The following DCC variants were observed in gnomAD, a reference collection of about 807,000 sequenced individuals.
The protein encoded by DCC is DCC netrin 1 receptor.
Under a neutral mutation model 172.5 loss-of-function variants are expected in DCC, and 58 were observed. That is an observed-to-expected ratio of 0.34 (90% CI 0.27 to 0.42). The LOEUF is 0.42. DCC is among the 10% of genes least tolerant of loss of function. The pLI is 1.00. For missense variants in DCC, 1,740 were observed against 1,791.0 expected, an observed-to-expected ratio of 0.97 and a Z score of 0.51; for synonymous variants, 709 against 644.5, an observed-to-expected ratio of 1.10 and a Z score of -1.52.
chr18:53,432,740 C>CATTATT (rs3059177), intron 21 of DCC, among the ~76,000 whole-genome samples: 360 of 150,660 alleles, frequency 2.4e-3, no homozygotes, highest in South Asian at 0.011. Flanking sequence ...AATCTTTTAT[C>CATTATT]ATTATTATTA....
chr18:52,958,230 T>C (rs2040779754), intron 5 of DCC, among the ~76,000 whole-genome samples: 1 of 152,148 alleles, frequency 6.6e-6, no homozygotes, highest in Non-Finnish European at 1.5e-5. Context: ...TTTTATAGCA[T>C]CTTTTAGTTT....
At chr18:53,521,340 A>G (rs1396009573) in intron 27 of DCC, among the ~76,000 whole-genome samples, 2 of 152,274 alleles carry the variant, frequency 1.3e-5, no homozygotes, top group East Asian at 3.9e-4. Flanking sequence ...AGGCATGTCC[A>G]TGCCCTATTG....
Position 53,004,369 on chromosome 18 carries a change from GTGTGTA to G in DCC, c.986-58924_986-58919del, listed in dbSNP as rs372096112. ...TAATCTTTAATAAATTAATCTCTCT[GTGTGTA>G]TGTGTATGTGTTTCTCTATTTTTTC... On this transcript the variant is annotated intron_variant, in intron 5 of 28. Transcript: ENST00000442544. 2.2e-3 allele frequency among the ~76,000 whole-genome samples: 335 copies of G among 152,244 alleles called. 5 individuals are homozygous for G. Among genetic ancestry groups the G allele is most frequent in the African/African-American group, 7.7e-3 (319 of 41,548 alleles).
At chr18:52,687,604 A>C (rs2035862887) in intron 1 of DCC, among the ~76,000 whole-genome samples, 1 of 151,922 alleles carries the variant, frequency 6.6e-6, no homozygotes. Flanking sequence ...TTGCAAATAA[A>C]TGTAGTTAAC....
intron 21 of DCC, among the ~76,000 whole-genome samples, chr18:53,427,043 G>T (rs981000630): frequency 6.6e-6 from 1 of 152,110 alleles, no homozygotes; most frequent in African/African-American, 2.4e-5. Context: ...TTTAGGATAA[G>T]CTTGTGAACC....
chr18:53,335,665 A>G lies in DCC; in HGVS notation c.2165-4048A>G, dbSNP rs73467210. Among the ~76,000 whole-genome samples, 891 of 152,300 alleles carry G rather than the reference A, an allele frequency of 5.9e-3. 9 individuals carry two copies. Among genetic ancestry groups the G allele is most frequent in the African/African-American group, 0.02 (843 of 41,578 alleles). ...TTCAATAATATAATCAAGAGTGGCA[A>G]TTGACCTAGTTATTTGATCATTCAG... On this transcript the variant is annotated intron_variant, in intron 14 of 28. Coordinates refer to ENST00000442544, the MANE Select transcript of DCC (RefSeq NM_005215.4).
chr18:52,804,775 G>T (rs1245432534), intron 2 of DCC, among the ~76,000 whole-genome samples: 2 of 152,026 alleles, frequency 1.3e-5, no homozygotes, highest in African/African-American at 2.4e-5. Flanking sequence ...GTAGAGACGG[G>T]GTTTCACCAT....
chr18:52,711,440 T>C (rs2036290722), intron 1 of DCC, among the ~76,000 whole-genome samples: 1 of 152,176 alleles, frequency 6.6e-6, no homozygotes, highest in African/African-American at 2.4e-5. Flanking sequence ...GCTGAGCACA[T>C]GGCTTGACAC....
intron 2 of DCC, among the ~76,000 whole-genome samples, chr18:52,776,100 T>C (rs2037427200): frequency 6.6e-6 from 1 of 152,054 alleles, no homozygotes; most frequent in Admixed American, 6.5e-5. Context: ...TAATATAAAT[T>C]TACAACAGTA....
rs1208766996 is a variant in DCC, at chr18:53,534,788, A to T, written c.*4135A>T. 6 of 152,244 alleles carry T rather than the reference A, an allele frequency of 3.9e-5. No individual in the cohort carries two copies. Among genetic ancestry groups the T allele is most frequent in the Non-Finnish European group, 8.8e-5 (6 of 68,038 alleles). The allele number at this position is 152,244 out of a possible 1,614,324, so 9.4% of individuals were successfully genotyped here. The stretch of plus-strand genomic sequence containing the variant: ...CCTGGTCAGTGAGGTTATGTAAAAG[A>T]CAAAATACCACACCCATATCAGCAA... On this transcript the variant is annotated 3_prime_UTR_variant, in exon 29 of 29. Transcript: ENST00000442544.
intron 2 of DCC, among the ~76,000 whole-genome samples, chr18:52,873,351 A>G (rs1430801128): frequency 1.3e-5 from 2 of 152,246 alleles, no homozygotes; most frequent in Non-Finnish European, 2.9e-5. Context: ...GCATTATCCC[A>G]GCCTTGGAAA....
Position 53,428,717 on chromosome 18 carries a change from A to T in DCC, c.3164-6427A>T, listed in dbSNP as rs1177820586. 1.7e-3 allele frequency among the ~76,000 whole-genome samples: 65 copies of T among 37,954 alleles called. 7 individuals carry two copies. Among genetic ancestry groups the T allele is most frequent in the East Asian group, 0.015 (28 of 1,878 alleles). 24.9% of individuals were successfully genotyped at this position (37,954 alleles called of 152,430 possible). A position where few individuals can be genotyped will look rare whatever the true frequency, so the allele number is the denominator to read the frequency against. ...AATGTATATTTTATATATTATATATATTTATATATATTATATTATATACTA... is the reference window on the plus strand; with the variant it reads ...AATGTATATTTTATATATTATATATTTTTATATATATTATATTATATACTA... On this transcript the variant is annotated intron_variant, in intron 21 of 28. Transcript: ENST00000442544.
chr18:53,265,598 G>A (rs947494529), intron 12 of DCC, among the ~76,000 whole-genome samples: 5 of 152,132 alleles, frequency 3.3e-5, no homozygotes, highest in Non-Finnish European at 7.3e-5. Flanking sequence ...CTGTTTCCTT[G>A]ACCTTTCAAT....
At chr18:52,658,205 T>C (rs2144940909) in intron 1 of DCC, among the ~76,000 whole-genome samples, 1 of 152,310 alleles carries the variant, frequency 6.6e-6, no homozygotes, top group East Asian at 1.9e-4. Context: ...TGGGGAGTGT[T>C]AATCCAGTTG....
chr18:53,369,871 T>G (rs1251355994), intron 15 of DCC, among the ~76,000 whole-genome samples: 2 of 151,894 alleles, frequency 1.3e-5, no homozygotes, highest in Non-Finnish European at 2.9e-5. Context: ...AGTATTTTAT[T>G]GTGGATTTTG....
chr18:52,991,039 A>C (rs1292384167), intron 5 of DCC, among the ~76,000 whole-genome samples: 1 of 152,226 alleles, frequency 6.6e-6, no homozygotes, highest in Non-Finnish European at 1.5e-5. Flanking sequence ...CGGAGGAGAC[A>C]CAATTCAAGC....
intron 5 of DCC, among the ~76,000 whole-genome samples, chr18:52,945,795 C>T (rs531059224): frequency 2.6e-3 from 389 of 152,284 alleles, no homozygotes; most frequent in African/African-American, 9.1e-3. Context: ...GACAACCTAA[C>T]GTCCAAATGT....
chr18:52,450,777 T>A (rs575458945), intron 1 of DCC, among the ~76,000 whole-genome samples: 1 of 152,266 alleles, frequency 6.6e-6, no homozygotes, highest in Admixed American at 6.5e-5. Flanking sequence ...CCATGTAAAA[T>A]ACTTCACTAT....
intron 27 of DCC, among the ~76,000 whole-genome samples, chr18:53,510,083 A>G (rs762901556): frequency 2.0e-5 from 3 of 152,184 alleles, no homozygotes; most frequent in Non-Finnish European, 4.4e-5. Flanking sequence ...TGTCCATGGT[A>G]TATTTTCTCC....
Sources: gnomAD v4.1 joint callset for allele counts (sites outside exome capture counted in the v4.1 genomes callset) on GRCh38, gnomAD v4.1.1 for gene constraint, MANE v1.5 for transcripts, NCBI Gene and HGNC (gene_info 2026-07-23, HGNC 2026-07-21) for gene names.